The following RBFOX1 variants were observed in gnomAD, a reference collection of about 807,000 sequenced individuals.
The protein encoded by RBFOX1 is RNA binding protein fox-1 homolog 1.
Under a neutral mutation model 57.7 loss-of-function variants are expected in RBFOX1, and 8 were observed. That is an observed-to-expected ratio of 0.14 (90% CI 0.08 to 0.25). The LOEUF (loss-of-function observed/expected upper bound fraction) is 0.25. Among genes scored for constraint, RBFOX1 ranks in the 10% least tolerant of loss-of-function variants. The probability of loss-of-function intolerance (pLI) is 1.00; values close to 1 mark genes in which losing one functional copy is unlikely to be tolerated. For synonymous variants in RBFOX1, 326 were observed against 222.4 expected, an observed-to-expected ratio of 1.47 and a Z score of -4.15; for missense variants, 611 against 548.5, an observed-to-expected ratio of 1.11 and a Z score of -1.14.
At chr16:6,426,767 A>G (rs1054353345) in intron 2 of RBFOX1, among the ~76,000 whole-genome samples, 1 of 152,158 alleles carries the variant, frequency 6.6e-6, no homozygotes, top group African/African-American at 2.4e-5. Context: ...TCATCCAGAG[A>G]ATGAAAAAAG....
intron 4 of RBFOX1, among the ~76,000 whole-genome samples, chr16:7,246,624 G>A (rs1232998063): frequency 7.3e-6 from 1 of 137,194 alleles, no homozygotes; most frequent in Non-Finnish European, 1.5e-5. Flanking sequence ...CAGACTGTAT[G>A]GTCACCTCCT....
At chr16:7,277,771 C>G (rs2095469093) in intron 4 of RBFOX1, among the ~76,000 whole-genome samples, 1 of 151,882 alleles carries the variant, frequency 6.6e-6, no homozygotes, top group South Asian at 2.1e-4. Flanking sequence ...AAGTTTAGTC[C>G]AGTATAGAAA....
intron 1 of RBFOX1, among the ~76,000 whole-genome samples, chr16:6,166,482 C>G (rs751677778): frequency 2.0e-5 from 3 of 152,138 alleles, no homozygotes; most frequent in Admixed American, 6.5e-5. Context: ...CTCTCCTTCT[C>G]CCTCCTTCCA....
chr16:7,561,050 C>T (rs1364514635), intron 5 of RBFOX1, among the ~76,000 whole-genome samples: 1 of 152,188 alleles, frequency 6.6e-6, no homozygotes, highest in South Asian at 2.1e-4. Flanking sequence ...ATGTCTTCTT[C>T]ATCCTTCAGT....
At chr16:7,459,379 A>C (rs1191395014) in intron 4 of RBFOX1, among the ~76,000 whole-genome samples, 1 of 152,212 alleles carries the variant, frequency 6.6e-6, no homozygotes, top group Non-Finnish European at 1.5e-5. Context: ...GTACAAAAGT[A>C]TGTTTGGTTC....
intron 1 of RBFOX1, among the ~76,000 whole-genome samples, chr16:6,218,163 C>T (rs1207125636): frequency 3.9e-5 from 6 of 152,272 alleles, no homozygotes; most frequent in East Asian, 1.9e-4. Flanking sequence ...GTTGAGCCCA[C>T]GTGCATTTTC....
At chr16:5,496,597 A>G (rs539718311) in intron 2 of RBFOX1, among the ~76,000 whole-genome samples, 1 of 152,112 alleles carries the variant, frequency 6.6e-6, no homozygotes, top group South Asian at 2.1e-4. Flanking sequence ...TCTCTTAGTC[A>G]CAGATGTCGG....
At chr16:6,799,936 C>A (rs887885733) in intron 3 of RBFOX1, among the ~76,000 whole-genome samples, 1 of 152,066 alleles carries the variant, frequency 6.6e-6, no homozygotes, top group Admixed American at 6.6e-5. Context: ...AGTGAGACTT[C>A]GTCTTGTGAT....
At chr16:6,423,466 G>A (rs2093832841) in intron 2 of RBFOX1, among the ~76,000 whole-genome samples, 1 of 152,144 alleles carries the variant, frequency 6.6e-6, no homozygotes, top group Non-Finnish European at 1.5e-5. Flanking sequence ...AGGTTTGATG[G>A]TGCATGTCTG....
chr16:6,031,990 C>A (rs139402650), intron 1 of RBFOX1, among the ~76,000 whole-genome samples: 11 of 152,176 alleles, frequency 7.2e-5, no homozygotes, highest in African/African-American at 2.4e-4. Flanking sequence ...CTCACTGGCT[C>A]TGTGTCACTT....
In RBFOX1 at chr16:5,270,245, A is replaced by G. The variant is rs545708101; in HGVS notation, c.219+30140A>G. 2.0e-5 allele frequency: 11 copies of G among 552,138 alleles called. No homozygotes were observed. In the South Asian group the frequency reaches 2.2e-4, roughly 11 times the overall value. The allele number at this position is 552,138 out of a possible 1,614,324, so 34.2% of individuals were successfully genotyped here. A position where few individuals can be genotyped will look rare whatever the true frequency, so the allele number is the denominator to read the frequency against. ...GAGTTAAGAAGAAAATACTTGATCC[A>G]TTTTCTAAGAAAGATCAGTATGATG... On this transcript the variant is annotated intron_variant, in intron 1 of 2. Transcript: ENST00000585867.
At chr16:5,992,449 A>G (rs182707419) in intron 4 of RBFOX1, among the ~76,000 whole-genome samples, 82 of 152,258 alleles carry the variant, frequency 5.4e-4, no homozygotes, top group African/African-American at 1.7e-3. Context: ...AATGCGTAAG[A>G]CTGAATTCCT....
intron 1 of RBFOX1, among the ~76,000 whole-genome samples, chr16:6,211,615 A>G (rs1316329749): frequency 6.6e-6 from 1 of 152,070 alleles, no homozygotes; most frequent in Non-Finnish European, 1.5e-5. Flanking sequence ...CTTCAGCAAT[A>G]TGTCAGGTCC....
intron 4 of RBFOX1, among the ~76,000 whole-genome samples, chr16:5,874,366 C>A (rs115205227): frequency 4.4e-3 from 671 of 152,240 alleles, no homozygotes; most frequent in African/African-American, 0.015. Context: ...GAACAGGCCT[C>A]AGAGGATACG....
At chr16:7,168,669 G>T (rs141179816) in intron 4 of RBFOX1, among the ~76,000 whole-genome samples, 2,102 of 152,200 alleles carry the variant, frequency 0.014, 17 homozygotes, top group Middle Eastern at 0.051. Context: ...ACCACTTCTA[G>T]CCATAACTTC....
At chr16:5,888,717 A>G (rs1162453492) in intron 4 of RBFOX1, among the ~76,000 whole-genome samples, 2 of 148,832 alleles carry the variant, frequency 1.3e-5, no homozygotes, top group African/African-American at 2.5e-5. Flanking sequence ...AATTGCTTGA[A>G]TCCGGGAGGT....
chr16:7,564,713 G>A (rs904195383), intron 5 of RBFOX1, among the ~76,000 whole-genome samples: 1 of 152,096 alleles, frequency 6.6e-6, no homozygotes, highest in African/African-American at 2.4e-5. Context: ...TGTTATAACA[G>A]CCTGAGAAGA....
At chr16:6,313,611 G>T (rs182280799) in intron 1 of RBFOX1, among the ~76,000 whole-genome samples, 1 of 152,140 alleles carries the variant, frequency 6.6e-6, no homozygotes, top group Non-Finnish European at 1.5e-5. Context: ...CATAGGTGAA[G>T]GTAGCTAATG....
At chr16:5,442,327 G>C (rs763365953) in intron 1 of RBFOX1, among the ~76,000 whole-genome samples, 6 of 152,214 alleles carry the variant, frequency 3.9e-5, no homozygotes, top group Non-Finnish European at 7.3e-5. Flanking sequence ...GGGAGCCAGG[G>C]CCAGGCCACA....
Sources: gnomAD v4.1 joint callset for allele counts (sites outside exome capture counted in the v4.1 genomes callset) on GRCh38, gnomAD v4.1.1 for gene constraint, MANE v1.5 for transcripts, NCBI Gene and HGNC (gene_info 2026-07-23, HGNC 2026-07-21) for gene names.